Variants in WNK2 observed in about 807,000 individuals in gnomAD.
WNK2 encodes serine/threonine-protein kinase WNK2.
WNK2 carries 67 observed loss-of-function variants against 192.1 expected under a neutral mutation model. The ratio of observed to expected loss-of-function variants is 0.35; its 90% CI spans 0.29 to 0.43. The LOEUF (loss-of-function observed/expected upper bound fraction) is 0.43, where lower values mean the gene tolerates loss of function less well. WNK2 is among the 20% of genes least tolerant of loss of function. WNK2 has a pLI of 1.00. For synonymous variants in WNK2, 1,439 were observed against 1,393.9 expected (o/e 1.03, Z -0.72); for missense variants, 2,698 against 3,089.7 (o/e 0.87, Z 3.01).
intron 19 of WNK2, among the ~76,000 whole-genome samples, chr9:93,274,541 A>C (rs1417356074): frequency 6.6e-6 from 1 of 151,384 alleles, no homozygotes; most frequent in East Asian, 1.9e-4. Flanking sequence ...AAAAAAAAGA[A>C]AAAAAACACA....
At chr9:93,311,237 A>G (rs1424785330) in intron 28 of WNK2, among the ~76,000 whole-genome samples, 1 of 152,184 alleles carries the variant, frequency 6.6e-6, no homozygotes, top group Non-Finnish European at 1.5e-5. Context: ...ATGTTGTAGC[A>G]TGTCCGAATT....
rs751838540 is a variant in WNK2 at position 93,256,279 on chromosome 9, G to A, written c.2035-20G>A. 2 of 1,513,780 alleles carry A rather than the reference G, an allele frequency of 1.3e-6. No individual in the cohort carries two copies. Among genetic ancestry groups the A allele is most frequent in the Non-Finnish European group, 1.8e-6 (2 of 1,135,238 alleles). 93.8% of individuals were successfully genotyped at this position (1,513,780 alleles called of 1,614,324 possible). A position where few individuals can be genotyped will look rare whatever the true frequency, so the allele number is the denominator to read the frequency against. On this transcript the variant is annotated intron_variant, in intron 9 of 29. Coordinates refer to ENST00000427277, the MANE Select transcript of WNK2 (RefSeq NM_006648.4). Reference sequence around the variant, plus strand: ...GTGGCCGAGAGCTGCTGCTGAGTGTGGCCCTGGTGCTCTCTGCAGCCTGGC... The same window carrying A: ...GTGGCCGAGAGCTGCTGCTGAGTGTAGCCCTGGTGCTCTCTGCAGCCTGGC...
chr9:93,317,736 G>A (rs1231741039), intron 29 of WNK2, 105 bp downstream of exon 29: 4 of 1,493,242 alleles, frequency 2.7e-6, no homozygotes, highest in East Asian at 2.5e-5. Flanking sequence ...GGCAGGCCAG[G>A]TGGGCCAGCT....
chr9:93,301,349 A>C lies in WNK2; in HGVS notation c.6214+1200A>C, dbSNP rs1025114244. Among the ~76,000 whole-genome samples the C allele has an allele frequency of 3.1e-4, 47 of 152,212 alleles. 2 individuals are homozygous for C. Among genetic ancestry groups the C allele is most frequent in the Non-Finnish European group, 2.9e-5 (2 of 68,036 alleles). On this transcript the variant is annotated intron_variant, in intron 26 of 29. Coordinates refer to ENST00000427277, the MANE Select transcript of WNK2 (RefSeq NM_006648.4). ...GAGGCCATGCCTGTGGGAGGCGTCC[A>C]CTGCCATCCACCCACCCCATCAGAG...
chr9:93,247,012 C>T lies in WNK2; in HGVS notation c.1543-531C>T, dbSNP rs145037443. 6.6e-5 allele frequency among the ~76,000 whole-genome samples: 10 copies of T among 152,352 alleles called. No individual in the cohort carries two copies. The East Asian group carries it at 1.9e-3, about 29-fold the overall frequency. On this transcript the variant is annotated intron_variant, in intron 7 of 29. Transcript: ENST00000427277. This position sits in a 1 kb window ranked among gnomAD's most constrained non-coding sequence, Gnocchi z 5.2. The stretch of plus-strand genomic sequence containing the variant: ...TCTTACAAATGCTCTCAAGGCTGTG[C>T]TTGGTAAATCAGTTTTAAAATTTGC...
In WNK2 at chr9:93,289,609, C is replaced by T; in HGVS notation, c.4855C>T (p.Pro1619Ser). 2 of 1,478,710 alleles carry T rather than the reference C, an allele frequency of 1.4e-6. No individual in the cohort carries two copies. Among genetic ancestry groups the T allele is most frequent in the Admixed American group, 2.4e-5 (1 of 42,472 alleles). The allele number at this position is 1,478,710 out of a possible 1,614,324, so 91.6% of individuals were successfully genotyped here. The change falls in exon 20 of 30, where the codon CCC becomes TCC. Residue 1619 changes from proline (P) to serine (S), a missense_variant. Physicochemically the swap from Pro to Ser is moderately conservative, Grantham distance 74 (BLOSUM62 -1). This residue lies in a region of WNK2 where 1,098 missense variants were observed against 1,101.0 expected (regional missense o/e 1.00). Coordinates refer to ENST00000427277, the MANE Select transcript of WNK2 (RefSeq NM_006648.4). ...GGCGGTCTCAGGGCGTGTCCAGCTG[C>T]CCCAGCCCTTGGTGAGTAGCTGCCT... ...KEAVSGRVQL[P>S]QPLVEKSELA... is the part of the protein sequence containing the mutation.
chr9:93,249,756 G>A (rs1842271411), intron 8 of WNK2, among the ~76,000 whole-genome samples: 1 of 152,076 alleles, frequency 6.6e-6, no homozygotes, highest in African/African-American at 2.4e-5. Flanking sequence ...TTACAGGTGT[G>A]AGCCACCGCA....
intron 23 of WNK2, among the ~76,000 whole-genome samples, chr9:93,293,375 A>G (rs1849693329): frequency 6.8e-6 from 1 of 148,120 alleles, no homozygotes; most frequent in Non-Finnish European, 1.5e-5. Flanking sequence ...GCTGGAGTGC[A>G]GTGGTGCAAT....
intron 9 of WNK2, among the ~76,000 whole-genome samples, chr9:93,254,947 G>A (rs564876273): frequency 6.6e-6 from 1 of 152,316 alleles, no homozygotes; most frequent in South Asian, 2.1e-4. Context: ...GGCTTCCCAT[G>A]CCATGTGATA....
At chr9:93,233,167 G>C (rs1206390720) in intron 4 of WNK2, among the ~76,000 whole-genome samples, 1 of 140,308 alleles carries the variant, frequency 7.1e-6, no homozygotes, top group African/African-American at 2.7e-5. Flanking sequence ...CACTGCACTC[G>C]AGCCTGGGCG....
In WNK2 at chr9:93,308,883, C is replaced by T. The variant is rs113438025; in HGVS notation, c.6516+299C>T. On this transcript the variant is annotated intron_variant, in intron 28 of 29. Coordinates refer to ENST00000427277, the MANE Select transcript of WNK2 (RefSeq NM_006648.4). ...GCCCCAGCCTGGGCAGCCCAAGCCC[C>T]GCACTCAGAGCAGGTAGCCCTGGTC... The T allele has an allele frequency of 2.2e-4, 276 of 1,283,342 alleles. No individual in the cohort carries two copies. In the African/African-American group the frequency reaches 2.7e-3, roughly 12 times the overall value. The allele number at this position is 1,283,342 out of a possible 1,614,324, so 79.5% of individuals were successfully genotyped here.
chr9:93,251,334 G>T (rs1842567601), intron 8 of WNK2, among the ~76,000 whole-genome samples: 1 of 149,802 alleles, frequency 6.7e-6, no homozygotes, highest in Non-Finnish European at 1.5e-5. Context: ...GGCCAGGCTG[G>T]TCTCAAACCC....
At chr9:93,263,381 G>T in intron 14 of WNK2, 185 bp from the exon 15 acceptor site, 1 of 690,660 alleles carries the variant, frequency 1.4e-6, no homozygotes, top group Non-Finnish European at 2.4e-6. Flanking sequence ...CCACTTGGGT[G>T]CAGCAGGGAG....
chr9:93,207,952 C>T (rs1405478471), intron 2 of WNK2, among the ~76,000 whole-genome samples: 2 of 152,236 alleles, frequency 1.3e-5, no homozygotes, highest in South Asian at 2.1e-4. Flanking sequence ...CCCACCCCTT[C>T]CACGTGGCAC....
chr9:93,264,438 C>A (rs917518908), intron 16 of WNK2, among the ~76,000 whole-genome samples: 1 of 152,146 alleles, frequency 6.6e-6, no homozygotes, highest in Non-Finnish European at 1.5e-5. Context: ...TGAGCCCTGA[C>A]CCATGTCCCA....
rs372858438 is a variant in WNK2, at chr9:93,292,565, G to A, written c.5100G>A (p.Ser1700=). The part of the protein sequence containing the change: ...DRDGGEAGES[S]AEPPPSDMGT... ...ATGGTGGAGAAGCTGGAGAAAGCTC[G>A]GCAGAGCCCCCGCCGAGTGACATGG... is the stretch of plus-strand genomic sequence containing the variant. The change falls in exon 23 of 30, where the codon TCG becomes TCA. Residue 1700 remains serine, a synonymous_variant. Coordinates refer to ENST00000427277, the MANE Select transcript of WNK2 (RefSeq NM_006648.4). The A allele has an allele frequency of 1.7e-5, 27 of 1,570,044 alleles. No individual in the cohort carries two copies. The highest frequency in any genetic ancestry group is 1.8e-5 in the Admixed American group (1 of 55,544).
At chr9:93,191,255 C>T (rs1019728769) in intron 2 of WNK2, among the ~76,000 whole-genome samples, 1 of 152,120 alleles carries the variant, frequency 6.6e-6, no homozygotes, top group Admixed American at 6.6e-5. Context: ...TATTGATGGA[C>T]AGCTAGCCAA....
rs768164824 is a variant in WNK2, at chr9:93,289,474, A to G, written c.4720A>G (p.Thr1574Ala). Residue 1574 changes from threonine to alanine, a missense_variant, in exon 20 of 30, where the codon ACC becomes GCC. Transcript: ENST00000427277. ...GCCCACCTCCTCAGCCTCAGCTGGG[A>G]CCCCTGTGGAGGTGGGCGACAGAGA... ...HVPTSSASAG[T>A]PVEVGDRDFT... 21 of 1,611,634 alleles carry G rather than the reference A, an allele frequency of 1.3e-5. No individual in the cohort carries two copies. The highest frequency in any genetic ancestry group is 1.7e-5 in the Non-Finnish European group (20 of 1,179,076).
chr9:93,310,024 G>GCT (rs1188702219), intron 28 of WNK2, among the ~76,000 whole-genome samples: 24 of 152,344 alleles, frequency 1.6e-4, no homozygotes, highest in Admixed American at 9.1e-4. Context: ...CAGACTTAGT[G>GCT]CTTGCGGTTT....
Sources: allele counts gnomAD v4.1 joint callset (sites outside exome capture counted in the v4.1 genomes callset), GRCh38; gene constraint gnomAD v4.1.1; regional missense constraint gnomAD v4.1.1; non-coding constraint Gnocchi (gnomAD v3.1); transcripts MANE v1.5; gene names NCBI Gene and HGNC (gene_info 2026-07-23, HGNC 2026-07-21).